Variants in CDH12 observed in about 807,000 individuals in gnomAD.
The protein encoded by CDH12 is cadherin 12.
Under a neutral mutation model 74.1 loss-of-function variants are expected in CDH12, and 41 were observed. That is an observed-to-expected ratio of 0.55 (90% CI 0.43 to 0.72). CDH12 has a LOEUF of 0.72. CDH12 is among the 30% of genes least tolerant of loss of function. The pLI is 0.00. For synonymous variants in CDH12, 399 were observed against 355.0 expected (o/e 1.12, Z -1.39); for missense variants, 945 against 977.2 (o/e 0.97, Z 0.44).
At chr5:22,598,189 T>A (rs1419270844) in intron 1 of CDH12, among the ~76,000 whole-genome samples, 1 of 152,208 alleles carries the variant, frequency 6.6e-6, no homozygotes, top group Non-Finnish European at 1.5e-5. Context: ...GAAATGGAAA[T>A]GAGAAGGTAA....
chr5:22,601,673 C>T (rs1365409253), intron 1 of CDH12, among the ~76,000 whole-genome samples: 7 of 151,900 alleles, frequency 4.6e-5, no homozygotes, highest in Non-Finnish European at 7.4e-5. Flanking sequence ...ACTTTCTTTA[C>T]GTGTGTAATT....
chr5:22,084,788 T>C (rs531376868), intron 4 of CDH12, among the ~76,000 whole-genome samples: 11 of 152,232 alleles, frequency 7.2e-5, no homozygotes, highest in South Asian at 2.1e-4. Flanking sequence ...TGCAAGGAGA[T>C]TGAAGGACTC....
At chr5:22,782,527 A>T (rs2126352490) in intron 1 of CDH12, among the ~76,000 whole-genome samples, 1 of 152,218 alleles carries the variant, frequency 6.6e-6, no homozygotes, top group Non-Finnish European at 1.5e-5. Context: ...AGCCATGCAA[A>T]ACTGTGAGTC....
intron 3 of CDH12, among the ~76,000 whole-genome samples, chr5:22,401,523 G>C (rs935951716): frequency 6.6e-6 from 1 of 152,084 alleles, no homozygotes; most frequent in Non-Finnish European, 1.5e-5. Flanking sequence ...AAACATGGCA[G>C]CACTCATCTA....
chr5:22,376,376 A>T (rs1416020127), intron 3 of CDH12, among the ~76,000 whole-genome samples: 1 of 152,170 alleles, frequency 6.6e-6, no homozygotes, highest in Non-Finnish European at 1.5e-5. Flanking sequence ...AAAAAAGCCC[A>T]ATATTCCATA....
intron 1 of CDH12, among the ~76,000 whole-genome samples, chr5:22,600,976 A>C (rs1163134349): frequency 6.6e-6 from 1 of 152,110 alleles, no homozygotes; most frequent in Non-Finnish European, 1.5e-5. Flanking sequence ...ATTTATATTT[A>C]ACACTTGTAA....
intron 11 of CDH12, among the ~76,000 whole-genome samples, chr5:21,775,739 ATTAC>A (rs1293530868): frequency 1.3e-5 from 2 of 152,016 alleles, no homozygotes; most frequent in African/African-American, 2.4e-5. Context: ...TAAAAAAATA[ATTAC>A]TTATTATATT....
intron 5 of CDH12, among the ~76,000 whole-genome samples, chr5:22,057,999 TTCTATCTATCTATCTATCTA>T (rs79909356): frequency 0.019 from 2,808 of 149,354 alleles, 108 homozygotes; most frequent in African/African-American, 0.065. Context: ...TTTCCTTGTA[TTCTATCTATCTATCTATCTA>T]TCTATCTATC....
intron 6 of CDH12, among the ~76,000 whole-genome samples, chr5:21,933,180 T>A (rs1386543955): frequency 2.0e-5 from 3 of 152,200 alleles, no homozygotes; most frequent in African/African-American, 7.2e-5. Context: ...TAAAGTTTCA[T>A]GGTTTTAATT....
intron 3 of CDH12, among the ~76,000 whole-genome samples, chr5:22,215,841 C>A (rs1751784560): frequency 6.6e-6 from 1 of 151,966 alleles, no homozygotes; most frequent in South Asian, 2.1e-4. Context: ...TCAGACACAT[C>A]CATAACTTTA....
intron 4 of CDH12, among the ~76,000 whole-genome samples, chr5:22,133,978 A>G (rs1746320525): frequency 6.6e-6 from 1 of 152,144 alleles, no homozygotes; most frequent in Non-Finnish European, 1.5e-5. Flanking sequence ...AAGTAGCCAT[A>G]TTAGCAATGA....
At chr5:21,995,811 T>C (rs2150139484) in intron 5 of CDH12, among the ~76,000 whole-genome samples, 1 of 152,092 alleles carries the variant, frequency 6.6e-6, no homozygotes, top group Non-Finnish European at 1.5e-5. Context: ...TTGATGCTGA[T>C]TGCATAAAAA....
chr5:22,366,086 G>A (rs1741019774), intron 3 of CDH12, among the ~76,000 whole-genome samples: 1 of 152,028 alleles, frequency 6.6e-6, no homozygotes, highest in Non-Finnish European at 1.5e-5. Context: ...AGCCTCCTGA[G>A]TAGCTGGTAT....
chr5:22,445,870 T>A (rs1744797626), intron 2 of CDH12, among the ~76,000 whole-genome samples: 1 of 152,128 alleles, frequency 6.6e-6, no homozygotes, highest in Admixed American at 6.6e-5. Context: ...GCAGTTCCTC[T>A]ACATAAGCAA....
intron 4 of CDH12, among the ~76,000 whole-genome samples, chr5:22,117,486 ATAT>A (rs1277223494): frequency 2.1e-5 from 1 of 47,744 alleles, no homozygotes; most frequent in East Asian, 6.3e-4. Context: ...TATTATATAT[ATAT>A]TATATATATA....
chr5:22,306,969 T>C (rs1379788970), intron 3 of CDH12, among the ~76,000 whole-genome samples: 1 of 152,224 alleles, frequency 6.6e-6, no homozygotes, highest in Non-Finnish European at 1.5e-5. Flanking sequence ...TCTAAACATA[T>C]ACTTAGTTAT....
At chr5:22,262,224 C>T (rs1349081162) in intron 3 of CDH12, among the ~76,000 whole-genome samples, 6 of 150,254 alleles carry the variant, frequency 4.0e-5, no homozygotes, top group East Asian at 4.0e-4. Flanking sequence ...CCCACTAACT[C>T]GTCATCTAGC....
intron 4 of CDH12, among the ~76,000 whole-genome samples, chr5:22,175,303 A>C (rs1749268350): frequency 1.3e-5 from 2 of 151,848 alleles, no homozygotes; most frequent in South Asian, 4.1e-4. Context: ...CTTCTTCACA[A>C]ATAGTAAACC....
At chr5:21,951,751 T>C (rs575082966) in intron 6 of CDH12, among the ~76,000 whole-genome samples, 1 of 152,374 alleles carries the variant, frequency 6.6e-6, no homozygotes, top group African/African-American at 2.4e-5. Context: ...AGTACTTCAC[T>C]GCACTATCTT....
Sources: gnomAD v4.1 joint callset for allele counts (sites outside exome capture counted in the v4.1 genomes callset) on GRCh38, gnomAD v4.1.1 for gene constraint, MANE v1.5 for transcripts, NCBI Gene and HGNC (gene_info 2026-07-23, HGNC 2026-07-21) for gene names.